SLC4A8: variants seen among roughly 807,000 people sequenced by gnomAD.
SLC4A8 encodes the protein electroneutral sodium bicarbonate exchanger 1.
A neutral mutation model predicts 125.0 loss-of-function variants in SLC4A8; 40 were observed. The ratio of observed to expected loss-of-function variants is 0.32; its 90% CI spans 0.25 to 0.42. The LOEUF is 0.42. Among genes scored for constraint, SLC4A8 ranks in the 10% least tolerant of loss-of-function variants. The pLI is 1.00. For synonymous variants in SLC4A8, 456 were observed against 476.0 expected (o/e 0.96, Z 0.55); for missense variants, 863 against 1,355.1 (o/e 0.64, Z 5.70).
At chr12:51,408,577 G>C (rs1948538613) in intron 1 of SLC4A8, among the ~76,000 whole-genome samples, 1 of 152,168 alleles carries the variant, frequency 6.6e-6, no homozygotes, top group South Asian at 2.1e-4. Flanking sequence ...GGAGCTTTGA[G>C]ATGGCAAAGA....
At position 51,429,930 on chromosome 12, in the gene SLC4A8, C is replaced by T. The variant is rs189533253; in HGVS notation, c.48+4895C>T. 3.7e-3 allele frequency among the ~76,000 whole-genome samples: 560 copies of T among 151,910 alleles called. 12 individuals are homozygous for T. Among genetic ancestry groups the T allele is most frequent in the Non-Finnish European group, 1.1e-3 (76 of 67,996 alleles). On this transcript the variant is annotated intron_variant, in intron 1 of 24. Transcript: ENST00000453097. Reference sequence around the variant, plus strand: ...GAACTGGGGACACCTGGTATCTTCACAGTTCTCCTGATAAGCACTTTCAGA... The same window carrying T: ...GAACTGGGGACACCTGGTATCTTCATAGTTCTCCTGATAAGCACTTTCAGA...
intron 1 of SLC4A8, among the ~76,000 whole-genome samples, chr12:51,394,679 G>A (rs1043276959): frequency 2.0e-5 from 3 of 152,130 alleles, no homozygotes; most frequent in African/African-American, 7.2e-5. Flanking sequence ...AGGCACGGGG[G>A]CCCACTTGAG....
At chr12:51,507,388 A>G (rs1200607910) in intron 24 of SLC4A8, 38 bp from the exon 25 acceptor site, 12 of 1,310,242 alleles carry the variant, frequency 9.2e-6, no homozygotes, top group African/African-American at 1.5e-5. Flanking sequence ...AATGAATCAT[A>G]TGTTCCCTTT....
chr12:51,486,653 A>C (rs1951171244), intron 17 of SLC4A8, among the ~76,000 whole-genome samples: 2 of 152,194 alleles, frequency 1.3e-5, no homozygotes, highest in South Asian at 4.1e-4. Flanking sequence ...GTGCGTACTC[A>C]GTGACTTTAG....
intron 19 of SLC4A8, among the ~76,000 whole-genome samples, chr12:51,491,756 C>T (rs1951324539): frequency 6.6e-6 from 1 of 151,728 alleles, no homozygotes; most frequent in African/African-American, 2.4e-5. Context: ...CACACACACA[C>T]ACACACACAC....
chr12:51,402,577 C>G (rs996608764), intron 1 of SLC4A8, among the ~76,000 whole-genome samples: 1 of 152,036 alleles, frequency 6.6e-6, no homozygotes, highest in African/African-American at 2.4e-5. Context: ...CAAAAATTAC[C>G]TGGGTGTAGT....
At chr12:51,463,073 G>C (rs1950389605) in intron 10 of SLC4A8, among the ~76,000 whole-genome samples, 1 of 152,016 alleles carries the variant, frequency 6.6e-6, no homozygotes, top group Non-Finnish European at 1.5e-5. Flanking sequence ...AAAAAAGCAA[G>C]TTGTATAGAG....
chr12:51,411,586 C>CCA (rs145310137), intron 1 of SLC4A8, among the ~76,000 whole-genome samples: 17,202 of 151,540 alleles, frequency 0.11, 1,176 homozygotes, highest in East Asian at 0.22. Context: ...TGAGACCCTG[C>CCA]CACACACACA....
intron 18 of SLC4A8, 99 bp from the exon 19 acceptor site, chr12:51,489,601 A>AC: frequency 1.4e-6 from 2 of 1,476,010 alleles, no homozygotes. Context: ...TCTTATCCAT[A>AC]CACCCCTTCA....
chr12:51,482,402 C>T (rs901821475), intron 16 of SLC4A8, among the ~76,000 whole-genome samples: 1 of 151,836 alleles, frequency 6.6e-6, no homozygotes, highest in Non-Finnish European at 1.5e-5. Flanking sequence ...TTTTTTGAGA[C>T]AGAGTCTCAC....
intron 11 of SLC4A8, among the ~76,000 whole-genome samples, chr12:51,467,071 G>A (rs752109377): frequency 2.6e-5 from 4 of 151,990 alleles, no homozygotes; most frequent in Non-Finnish European, 4.4e-5. Context: ...GGTAATAATC[G>A]CATGGTAATA....
intron 17 of SLC4A8, among the ~76,000 whole-genome samples, chr12:51,486,205 A>G (rs866732007): frequency 6.6e-6 from 1 of 152,204 alleles, no homozygotes; most frequent in African/African-American, 2.4e-5. Flanking sequence ...GCACATTTAC[A>G]TAAATATATT....
At chr12:51,414,581 T>C (rs1335004167) in intron 1 of SLC4A8, among the ~76,000 whole-genome samples, 2 of 152,030 alleles carry the variant, frequency 1.3e-5, no homozygotes, top group Admixed American at 6.6e-5. Context: ...TGAGATCTCG[T>C]CTCTACAAAA....
In SLC4A8 at chr12:51,458,604, T is replaced by TA; in HGVS notation, c.815dup (p.Asn272LysfsTer6). The TA allele has an allele frequency of 6.2e-7, 1 of 1,613,862 alleles. No homozygotes were observed. The highest frequency in any genetic ancestry group is 8.5e-7 in the Non-Finnish European group (1 of 1,179,806). On this transcript the variant is annotated frameshift_variant, in exon 7 of 25. Transcript: ENST00000453097. LOFTEE classifies it high-confidence loss of function. The stretch of plus-strand genomic sequence containing the variant: ...TCTGTTCCAACTACAAATCTTGAAG[T>TA]AAAAAATGGAGTGAATTGTGAACAT...
rs1353391472 is a variant in SLC4A8 at position 51,489,817 on chromosome 12, A to G, written c.2566A>G (p.Ser856Gly). 6.2e-7 allele frequency: 1 copy of G among 1,614,234 alleles called. No homozygotes were observed. Among genetic ancestry groups the G allele is most frequent in the East Asian group, 2.2e-5 (1 of 44,884 alleles). ...ATVLSITHVN[S>G]LKLESECSAP... ...TGTCTTGTCCATCACACATGTGAAC[A>G]GCCTCAAGCTAGAATCTGAATGCTC... The change falls in exon 19 of 25, where the codon AGC becomes GGC. Residue 856 changes from serine to glycine, a missense_variant. This residue lies in a region of SLC4A8 where 197 missense variants were observed against 377.7 expected (regional missense o/e 0.52). Transcript: ENST00000453097.
In SLC4A8 at chr12:51,510,010, C is replaced by T. The variant is rs1449202121; in HGVS notation, c.*2572C>T. 2.6e-5 allele frequency: 4 copies of T among 152,314 alleles called. No homozygotes were observed. Among genetic ancestry groups the T allele is most frequent in the African/African-American group, 4.8e-5 (2 of 41,410 alleles). 9.4% of individuals were successfully genotyped at this position (152,314 alleles called of 1,614,324 possible). A position where few individuals can be genotyped will look rare whatever the true frequency, so the allele number is the denominator to read the frequency against. The stretch of plus-strand genomic sequence containing the variant: ...TTGCCTCCGTACAGTTGCAGTTCAC[C>T]TTTGTGCATGGTGATTACCAGTCAC... On this transcript the variant is annotated 3_prime_UTR_variant, in exon 25 of 25. Transcript: ENST00000453097.
chr12:51,393,779 C>A (rs1246594504), intron 1 of SLC4A8, among the ~76,000 whole-genome samples: 1 of 152,200 alleles, frequency 6.6e-6, no homozygotes, highest in Non-Finnish European at 1.5e-5. Flanking sequence ...CTTTCACATT[C>A]CAGGCCGTGG....
chr12:51,490,281 C>T (rs551230125), intron 19 of SLC4A8, among the ~76,000 whole-genome samples: 15 of 152,080 alleles, frequency 9.9e-5, no homozygotes, highest in Admixed American at 2.6e-4. Flanking sequence ...GGAGGCCAGG[C>T]GCGGTGGCTC....
upstream of SLC4A8, among the ~76,000 whole-genome samples, chr12:51,424,044 A>T (rs1948864246): frequency 2.1e-5 from 1 of 48,166 alleles, no homozygotes; most frequent in Non-Finnish European, 4.6e-5. Flanking sequence ...CTCCAAAAAA[A>T]AAAAAAAAAC....
Sources: allele counts gnomAD v4.1 joint callset (sites outside exome capture counted in the v4.1 genomes callset), GRCh38; gene constraint gnomAD v4.1.1; regional missense constraint gnomAD v4.1.1; transcripts MANE v1.5; gene names NCBI Gene and HGNC (gene_info 2026-07-23, HGNC 2026-07-21).